FAM186A: variants seen among roughly 807,000 people sequenced by gnomAD.
The protein encoded by FAM186A is protein FAM186A.
In FAM186A, 163 loss-of-function variants were observed where a neutral mutation model predicts 216.8. The observed-to-expected ratio is 0.75, with a 90% CI of 0.66 to 0.86. The LOEUF (loss-of-function observed/expected upper bound fraction) is 0.86. Ranked by LOEUF, FAM186A falls within the 40% of genes least tolerant of loss-of-function variation. The pLI is 0.00. For synonymous variants in FAM186A, 805 were observed against 1,025.3 expected, an observed-to-expected ratio of 0.79 and a Z score of 4.10; for missense variants, 2,184 against 2,746.2, an observed-to-expected ratio of 0.80 and a Z score of 4.58.
chr12:50,394,484 A>C (rs1943393328), intron 1 of FAM186A, among the ~76,000 whole-genome samples: 1 of 151,924 alleles, frequency 6.6e-6, no homozygotes, highest in South Asian at 2.1e-4. Flanking sequence ...AACCCAGGAG[A>C]TGGAGGTTGC....
chr12:50,394,849 T>C (rs2136110084), intron 1 of FAM186A, among the ~76,000 whole-genome samples: 2 of 147,456 alleles, frequency 1.4e-5, no homozygotes, highest in East Asian at 4.2e-4. Context: ...TCAAGGGACC[T>C]TCCCGAGTAG....
chr12:50,350,315 A>T lies in FAM186A; in HGVS notation c.6503+14T>A. 6.7e-7 allele frequency: 1 copy of T among 1,499,448 alleles called. No individual in the cohort carries two copies. 92.9% of individuals were successfully genotyped at this position (1,499,448 alleles called of 1,614,324 possible). A position where few individuals can be genotyped will look rare whatever the true frequency, so the allele number is the denominator to read the frequency against. ...AACTAAACCAGAAAACTAGACGTAA[A>T]TAATTATATCTACCTGGCATGCTGG... On this transcript the variant is annotated intron_variant, in intron 4 of 7. Transcript: ENST00000327337.
Position 50,355,604 on chromosome 12 carries a change from G to A in FAM186A, c.1228C>T (p.Gln410Ter), listed in dbSNP as rs770053093. 2.0e-5 allele frequency: 31 copies of A among 1,551,566 alleles called. No individual in the cohort carries two copies. The highest frequency in any genetic ancestry group is 2.7e-5 in the Non-Finnish European group (31 of 1,146,970). ...GTTAAATCTGGAGTTCTTTCAGCTTGGGCTGTATATGAAATAGTGGAGTCC... is the reference window on the plus strand; with the variant it reads ...GTTAAATCTGGAGTTCTTTCAGCTTAGGCTGTATATGAAATAGTGGAGTCC... ...KWDSTISYTAQAERTPDLTEL... is the reference protein window; with the variant it reads ...KWDSTISYTA Residue 410 changes from glutamine to a stop codon, truncating the protein, a stop_gained, in exon 4 of 8, where the codon CAA becomes TAA. Transcript: ENST00000327337. LOFTEE classifies it high-confidence loss of function.
intron 1 of FAM186A, among the ~76,000 whole-genome samples, chr12:50,368,682 A>G (rs1943113390): frequency 6.6e-6 from 1 of 152,134 alleles, no homozygotes; most frequent in African/African-American, 2.4e-5. Flanking sequence ...TAAAATTTAC[A>G]TGGAATCTCA....
intron 7 of FAM186A, among the ~76,000 whole-genome samples, chr12:50,329,652 C>T (rs1386595364): frequency 1.3e-5 from 2 of 150,328 alleles, no homozygotes; most frequent in African/African-American, 4.9e-5. Flanking sequence ...GGCTGGAGTG[C>T]AGTGGCACAA....
chr12:50,393,191 T>G (rs948183830), intron 1 of FAM186A, among the ~76,000 whole-genome samples: 1 of 151,974 alleles, frequency 6.6e-6, no homozygotes, highest in Non-Finnish European at 1.5e-5. Flanking sequence ...TCCAAAGTGC[T>G]GGGATTACAG....
chr12:50,348,911 G>C (rs1213101015), intron 4 of FAM186A, among the ~76,000 whole-genome samples: 3 of 151,984 alleles, frequency 2.0e-5, no homozygotes, highest in Non-Finnish European at 4.4e-5. Flanking sequence ...TACATAGTAG[G>C]TATATATATT....
Position 50,355,732 on chromosome 12 carries a change from A to G in FAM186A, c.1100T>C (p.Val367Ala), listed in dbSNP as rs2136094394. Residue 367 changes from valine to alanine, a missense_variant, in exon 4 of 8, where the codon GTT (valine) becomes GCT (alanine). Val to Ala is a moderately conservative substitution (Grantham distance 64). Around this residue, in one of 7 missense-constraint regions of FAM186A, gnomAD observed 1,132 missense variants for 1,263.4 expected, o/e 0.90. Transcript: ENST00000327337. ...GTCCATATTGTCCTCAGTATCACCA[A>G]CTTTGATTATCGCCCTGGATGACTG... ...SPQSSRAIIK[V>A]GDTEDNMDNI... 2 of 1,551,602 alleles carry G rather than the reference A, an allele frequency of 1.3e-6. No individual in the cohort carries two copies. Among genetic ancestry groups the G allele is most frequent in the Middle Eastern group, 1.7e-4 (1 of 5,992 alleles).
rs1942938808 is a variant in FAM186A at position 50,353,757 on chromosome 12, T to C, written c.3075A>G (p.Glu1025=). 1.3e-6 allele frequency: 2 copies of C among 1,550,850 alleles called. No individual in the cohort carries two copies. The highest frequency in any genetic ancestry group is 8.7e-7 in the Non-Finnish European group (1 of 1,146,728). ...SVLKDVQRSY[E]GKEFQRNLKT... ...TCAGATTCCTCTGAAACTCTTTTCCTTCATATGACCGCTGTACATCTTTCA... is the reference window on the plus strand; with the variant it reads ...TCAGATTCCTCTGAAACTCTTTTCCCTCATATGACCGCTGTACATCTTTCA... Residue 1025 remains glutamate (E), a synonymous_variant, in exon 4 of 8, where the codon GAA becomes GAG. Coordinates refer to ENST00000327337, the MANE Select transcript of FAM186A (RefSeq NM_001145475.3).
chr12:50,331,609 G>GGAAAAAAAA, intron 6 of FAM186A, 61 bp downstream of exon 6: 1 of 1,439,706 alleles, frequency 6.9e-7, no homozygotes, highest in Non-Finnish European at 9.3e-7. Context: ...CTTGGGCAGG[G>GGAAAAAAAA]AAAAAAAAAT....
chr12:50,341,562 C>A (rs948512394), intron 4 of FAM186A, among the ~76,000 whole-genome samples: 1 of 152,168 alleles, frequency 6.6e-6, no homozygotes, highest in Non-Finnish European at 1.5e-5. Context: ...AGCGACCTGA[C>A]ACAGTGGCTC....
At chr12:50,349,217 T>C (rs1942851295) in intron 4 of FAM186A, among the ~76,000 whole-genome samples, 2 of 150,544 alleles carry the variant, frequency 1.3e-5, no homozygotes, top group South Asian at 4.3e-4. Flanking sequence ...ATCCTTCTCT[T>C]TTTTTTTTCC....
At chr12:50,336,763 G>T (rs1942712284) in intron 4 of FAM186A, among the ~76,000 whole-genome samples, 1 of 152,012 alleles carries the variant, frequency 6.6e-6, no homozygotes. Flanking sequence ...GACTGGAATG[G>T]TTGGATAGTG....
chr12:50,394,216 C>A (rs1424358692), intron 1 of FAM186A, among the ~76,000 whole-genome samples: 2 of 152,108 alleles, frequency 1.3e-5, no homozygotes, highest in Admixed American at 6.5e-5. Context: ...ACTTACCACA[C>A]CTGGCCAAGC....
chr12:50,361,834 G>A (rs1446037153), intron 2 of FAM186A, among the ~76,000 whole-genome samples: 5 of 152,110 alleles, frequency 3.3e-5, no homozygotes, highest in African/African-American at 1.2e-4. Flanking sequence ...GCCTCCCAAA[G>A]TGCTGGGATT....
At chr12:50,376,477 C>A (rs191168910) in intron 1 of FAM186A, among the ~76,000 whole-genome samples, 11 of 152,208 alleles carry the variant, frequency 7.2e-5, no homozygotes, top group Admixed American at 7.2e-4. Flanking sequence ...GGCAGGTAGG[C>A]CTGATGAGTA....
rs1196061548 is a variant in FAM186A at position 50,354,402 on chromosome 12, T to G, written c.2430A>C (p.Thr810=). 6.4e-7 allele frequency: 1 copy of G among 1,551,446 alleles called. No individual in the cohort carries two copies. Among genetic ancestry groups the G allele is most frequent in the African/African-American group, 1.4e-5 (1 of 73,052 alleles). The change falls in exon 4 of 8, where the codon ACA becomes ACC. Residue 810 remains threonine (T), a synonymous_variant. Coordinates refer to ENST00000327337, the MANE Select transcript of FAM186A (RefSeq NM_001145475.3). The part of the protein sequence containing the change: ...ESERDIPTVS[T]VQKDHKEKEK... Reference sequence around the variant, plus strand: ...CCTTCTCCTTGTGGTCTTTCTGTACTGTTGAGACTGTTGGAATATCTCTTT... The same window carrying G: ...CCTTCTCCTTGTGGTCTTTCTGTACGGTTGAGACTGTTGGAATATCTCTTT...
chr12:50,338,697 G>A (rs1256019657), intron 4 of FAM186A, among the ~76,000 whole-genome samples: 2 of 151,804 alleles, frequency 1.3e-5, no homozygotes, highest in African/African-American at 2.4e-5. Flanking sequence ...AGGTAGTATA[G>A]TATACTATAT....
intron 1 of FAM186A, among the ~76,000 whole-genome samples, chr12:50,379,547 G>C (rs1387906338): frequency 6.6e-6 from 1 of 152,008 alleles, no homozygotes; most frequent in Admixed American, 6.6e-5. Flanking sequence ...ATCACTTTGG[G>C]AGACCGAGGC....
Sources: allele counts gnomAD v4.1 joint callset (sites outside exome capture counted in the v4.1 genomes callset), GRCh38; gene constraint gnomAD v4.1.1; regional missense constraint gnomAD v4.1.1; transcripts MANE v1.5; gene names NCBI Gene and HGNC (gene_info 2026-07-23, HGNC 2026-07-21).